SMPX: variants seen among roughly 807,000 people sequenced by gnomAD.
The protein encoded by SMPX is small muscular protein.
Under a neutral mutation model 6.3 loss-of-function variants are expected in SMPX, and 2 were observed. The ratio of observed to expected loss-of-function variants is 0.32; its 90% CI spans 0.13 to 0.99. The LOEUF (loss-of-function observed/expected upper bound fraction) is 0.99. SMPX is among the 50% of genes least tolerant of loss of function. The probability of loss-of-function intolerance (pLI) is 0.49; values close to 1 mark genes in which losing one functional copy is unlikely to be tolerated. For synonymous variants in SMPX, 32 were observed against 24.7 expected, an observed-to-expected ratio of 1.30 and a Z score of -0.88; for missense variants, 60 against 66.8, an observed-to-expected ratio of 0.90 and a Z score of 0.36.
At chrX:21,751,008 G>A (rs2092826947) in intron 2 of SMPX, among the ~76,000 whole-genome samples, 1 of 112,323 alleles carries the variant, frequency 8.9e-6, no homozygotes, top group Non-Finnish European at 1.9e-5. Flanking sequence ...GTAACTATTT[G>A]ACTCCATGTT....
chrX:21,742,939 T>C (rs750462879), intron 3 of SMPX, among the ~76,000 whole-genome samples: 16 of 112,627 alleles, frequency 1.4e-4, no homozygotes, highest in Non-Finnish European at 2.8e-4. Flanking sequence ...CTTGTGCTAA[T>C]AAAATGTTCC....
intron 2 of SMPX, among the ~76,000 whole-genome samples, chrX:21,750,785 C>T (rs746165566): frequency 8.9e-6 from 1 of 112,156 alleles, no homozygotes; most frequent in Admixed American, 9.4e-5. Flanking sequence ...TCTGGCCTCC[C>T]TCTTACTCTG....
intron 4 of SMPX, among the ~76,000 whole-genome samples, chrX:21,731,508 T>TAA (rs1388337051): frequency 1.2e-5 from 1 of 81,217 alleles, no homozygotes; most frequent in African/African-American, 4.7e-5. Flanking sequence ...CACATACACA[T>TAA]TATGTGTGTA....
rs750866781 is a variant in SMPX, at chrX:21,734,686, T to C, written c.*14+2863A>G. Among the ~76,000 whole-genome samples, 4 of 111,642 alleles carry C rather than the reference T, an allele frequency of 3.6e-5. No individual in the cohort carries two copies. In the East Asian group the frequency reaches 1.1e-3, roughly 32 times the overall value. On this transcript the variant is annotated intron_variant, in intron 4 of 4. Coordinates refer to ENST00000379494, the MANE Select transcript of SMPX (RefSeq NM_014332.3). ...TGACTTGGTATGTGCTGTCTCTATA[T>C]TGCCTGGTCTGGTTCCGGTTTGGGT...
intron 2 of SMPX, among the ~76,000 whole-genome samples, chrX:21,752,112 G>C (rs1380713272): frequency 8.9e-6 from 1 of 112,347 alleles, no homozygotes; most frequent in Admixed American, 9.4e-5. Flanking sequence ...AGAATGGATG[G>C]ATTTTTTGTA....
At position 21,733,539 on chromosome X, in the gene SMPX, G is replaced by A. The variant is rs140950386; in HGVS notation, c.*14+4010C>T. The A allele has an allele frequency of 7.3e-5, 18 of 247,358 alleles. No individual in the cohort carries two copies. In the East Asian group the frequency reaches 8.8e-4, roughly 12 times the overall value. 20.4% of individuals were successfully genotyped at this position (247,358 alleles called of 1,213,427 possible). ...TGCAATGTCCAACACAGACAGAAGG[G>A]ATTCTTGAAACTTCAGAAGGAGAAT... is the stretch of plus-strand genomic sequence containing the variant. On this transcript the variant is annotated intron_variant, in intron 4 of 4. Coordinates refer to ENST00000379494, the MANE Select transcript of SMPX (RefSeq NM_014332.3).
At chrX:21,722,466 T>G (rs1312993694) in intron 4 of SMPX, among the ~76,000 whole-genome samples, 1 of 112,059 alleles carries the variant, frequency 8.9e-6, no homozygotes, top group South Asian at 3.8e-4. Flanking sequence ...TACAACTGCA[T>G]GTAAATCTAG....
chrX:21,742,440 T>C (rs1020711916), intron 3 of SMPX, among the ~76,000 whole-genome samples: 5 of 112,351 alleles, frequency 4.5e-5, no homozygotes, highest in African/African-American at 1.6e-4. Flanking sequence ...GTGATCCTAT[T>C]TTGCAGACAC....
chrX:21,722,891 C>G (rs909279344), intron 4 of SMPX, among the ~76,000 whole-genome samples: 3 of 111,706 alleles, frequency 2.7e-5, no homozygotes, highest in African/African-American at 9.8e-5. Context: ...TGACATCTCA[C>G]AAGGTAAAGG....
At position 21,715,317 on chromosome X, in the gene SMPX, C is replaced by T. The variant is rs986439826; in HGVS notation, c.*15-8923G>A. 1.1e-4 allele frequency among the ~76,000 whole-genome samples: 12 copies of T among 108,967 alleles called. No individual in the cohort carries two copies. In the South Asian group the frequency reaches 2.3e-3, roughly 21 times the overall value. 94.6% of individuals were successfully genotyped at this position (108,967 alleles called of 115,157 possible). On this transcript the variant is annotated intron_variant, in intron 4 of 4. Coordinates refer to ENST00000379494, the MANE Select transcript of SMPX (RefSeq NM_014332.3). ...GTGTGTGTGTGTGCGCGCACGCGCG[C>T]GCGCTCGCGCGCTGGTGGGGGGTTA...
intron 3 of SMPX, among the ~76,000 whole-genome samples, chrX:21,738,386 A>G (rs1489166345): frequency 8.1e-5 from 9 of 111,371 alleles, no homozygotes; most frequent in Non-Finnish European, 1.5e-4. Context: ...GCCTCTATGT[A>G]CATACACCAA....
At chrX:21,720,893 A>G (rs1299348813) in intron 4 of SMPX, among the ~76,000 whole-genome samples, 1 of 112,459 alleles carries the variant, frequency 8.9e-6, no homozygotes, top group African/African-American at 3.2e-5. Context: ...ACATGCAGAG[A>G]CTGAATTTGT....
chrX:21,716,397 GCC>G (rs2092785179), intron 4 of SMPX, among the ~76,000 whole-genome samples: 1 of 111,846 alleles, frequency 8.9e-6, no homozygotes, highest in Non-Finnish European at 1.9e-5. Context: ...CATTTTCACA[GCC>G]CACTCTGCCT....
At chrX:21,738,096 TG>T (rs905791875) in intron 3 of SMPX, among the ~76,000 whole-genome samples, 1 of 112,648 alleles carries the variant, frequency 8.9e-6, no homozygotes, top group Non-Finnish European at 1.9e-5. Context: ...TGTTAGAGCA[TG>T]GGATGCATAA....
chrX:21,749,756 C>T (rs2092825471), intron 2 of SMPX, among the ~76,000 whole-genome samples: 1 of 112,028 alleles, frequency 8.9e-6, no homozygotes, highest in African/African-American at 3.2e-5. Flanking sequence ...CTATTATTGT[C>T]ATCCTGATAA....
intron 4 of SMPX, among the ~76,000 whole-genome samples, chrX:21,732,242 A>G (rs757228600): frequency 8.9e-6 from 1 of 112,044 alleles, no homozygotes; most frequent in South Asian, 3.7e-4. Context: ...CGTGGATGTT[A>G]TTTGAAAAAT....
intron 4 of SMPX, among the ~76,000 whole-genome samples, chrX:21,719,565 A>C (rs1416664436): frequency 5.4e-5 from 6 of 110,794 alleles, no homozygotes; most frequent in Non-Finnish European, 9.4e-5. Flanking sequence ...AGAAAGAAAG[A>C]AAGCAAAAGA....
intron 2 of SMPX, among the ~76,000 whole-genome samples, chrX:21,751,404 A>G (rs759587984): frequency 4.4e-5 from 5 of 112,567 alleles, no homozygotes; most frequent in African/African-American, 1.6e-4. Context: ...AATATTTATT[A>G]AGCAATTACA....
chrX:21,740,639 G>C, intron 3 of SMPX, among the ~76,000 whole-genome samples: 1 of 112,160 alleles, frequency 8.9e-6, no homozygotes, highest in African/African-American at 3.2e-5. Context: ...ACTGTTAACT[G>C]TTCTAAGTTA....
Sources: allele counts gnomAD v4.1 joint callset (sites outside exome capture counted in the v4.1 genomes callset), GRCh38; gene constraint gnomAD v4.1.1; transcripts MANE v1.5; gene names NCBI Gene and HGNC (gene_info 2026-07-23, HGNC 2026-07-21).